Variants in ADCY1 observed in about 807,000 individuals in gnomAD.
ADCY1 encodes adenylate cyclase type 1.
ADCY1 carries 28 observed loss-of-function variants against 105.4 expected under a neutral mutation model. That is an observed-to-expected ratio of 0.27 (90% CI 0.20 to 0.36). The LOEUF (loss-of-function observed/expected upper bound fraction) is 0.36. Among genes scored for constraint, ADCY1 ranks in the 10% least tolerant of loss-of-function variants. The probability of loss-of-function intolerance (pLI) is 1.00; values close to 1 mark genes in which losing one functional copy is unlikely to be tolerated. For missense variants in ADCY1, 977 were observed against 1,434.2 expected (o/e 0.68, Z 5.15); for synonymous variants, 655 against 623.8 (o/e 1.05, Z -0.75).
chr7:45,676,423 C>CT (rs1173586612), intron 8 of ADCY1, among the ~76,000 whole-genome samples: 1 of 150,814 alleles, frequency 6.6e-6, no homozygotes. Context: ...TGAGTGGTTT[C>CT]TTTTTTTTTA....
At chr7:45,678,812 A>G (rs1157878252) in intron 10 of ADCY1, among the ~76,000 whole-genome samples, 1 of 151,888 alleles carries the variant, frequency 6.6e-6, no homozygotes, top group Non-Finnish European at 1.5e-5. Context: ...CCTTGAGCTC[A>G]GGAGTCTAAG....
chr7:45,698,495 G>A (rs1784929113), intron 14 of ADCY1, among the ~76,000 whole-genome samples: 1 of 152,132 alleles, frequency 6.6e-6, no homozygotes. Context: ...CAGGCAGCAG[G>A]GGCCTGCATG....
intron 3 of ADCY1, among the ~76,000 whole-genome samples, chr7:45,616,774 T>C (rs1329965010): frequency 6.6e-6 from 1 of 152,128 alleles, no homozygotes; most frequent in African/African-American, 2.4e-5. Flanking sequence ...ATATCCACCC[T>C]CACCACTTCT....
intron 3 of ADCY1, among the ~76,000 whole-genome samples, chr7:45,614,178 CAAA>C: frequency 6.6e-6 from 1 of 151,746 alleles, no homozygotes; most frequent in Middle Eastern, 3.4e-3. Flanking sequence ...GTTAAGAAAA[CAAA>C]AGTATTAAAA....
rs777438847 is a variant in ADCY1, at chr7:45,648,753, C to T, written c.1104C>T (p.Ala368=). ...SGLTQPKTDH[A]HCCVEMGLDM... ...TCACCCAGCCCAAGACTGACCATGC[C>T]CACTGCTGTGTGGAGATGGGACTCG... is the stretch of plus-strand genomic sequence containing the variant. The change falls in exon 5 of 20, where the codon GCC becomes GCT. Residue 368 remains alanine (A), a synonymous_variant. Transcript: ENST00000297323. 1 of 1,614,154 alleles carries T rather than the reference C, an allele frequency of 6.2e-7. No individual in the cohort carries two copies. The highest frequency in any genetic ancestry group is 1.1e-5 in the South Asian group (1 of 91,074).
intron 4 of ADCY1, among the ~76,000 whole-genome samples, chr7:45,628,181 A>G (rs901557506): frequency 7.9e-5 from 12 of 152,358 alleles, no homozygotes; most frequent in African/African-American, 2.9e-4. Flanking sequence ...TTTGCAGGCC[A>G]GAGGCTGAGA....
At chr7:45,600,230 C>T (rs1345745276) in intron 2 of ADCY1, among the ~76,000 whole-genome samples, 1 of 152,240 alleles carries the variant, frequency 6.6e-6, no homozygotes, top group African/African-American at 2.4e-5. Context: ...GCCTGGCTCT[C>T]AGATGATTAG....
intron 4 of ADCY1, among the ~76,000 whole-genome samples, chr7:45,623,165 C>T (rs1346643853): frequency 2.0e-5 from 3 of 152,218 alleles, no homozygotes; most frequent in Non-Finnish European, 4.4e-5. Context: ...GGGATTGAAA[C>T]TTGTCAGCTG....
chr7:45,704,985 C>A (rs1177328009), intron 17 of ADCY1, among the ~76,000 whole-genome samples: 2 of 150,942 alleles, frequency 1.3e-5, no homozygotes, highest in African/African-American at 4.9e-5. Flanking sequence ...CTCCCATCAG[C>A]CTTGCACTCT....
At chr7:45,698,338 A>C (rs753272893) in intron 14 of ADCY1, among the ~76,000 whole-genome samples, 2 of 152,202 alleles carry the variant, frequency 1.3e-5, no homozygotes, top group African/African-American at 4.8e-5. Context: ...GAATTGTTCA[A>C]ATTTAAAATT....
At chr7:45,627,413 G>C (rs951413833) in intron 4 of ADCY1, among the ~76,000 whole-genome samples, 2 of 152,218 alleles carry the variant, frequency 1.3e-5, no homozygotes, top group Non-Finnish European at 2.9e-5. Context: ...CACTGTGTGT[G>C]TGGCTGTTTT....
chr7:45,672,925 G>A (rs1458021868), intron 8 of ADCY1, among the ~76,000 whole-genome samples: 1 of 152,152 alleles, frequency 6.6e-6, no homozygotes, highest in African/African-American at 2.4e-5. Context: ...ACGATTAAGT[G>A]TGATGTTAGC....
rs190004982 is a variant in ADCY1, at chr7:45,588,417, C to T, written c.640-4342C>T. 4.6e-5 allele frequency among the ~76,000 whole-genome samples: 7 copies of T among 152,376 alleles called. No individual in the cohort carries two copies. The South Asian group carries it at 6.2e-4, about 14-fold the overall frequency. On this transcript the variant is annotated intron_variant, in intron 1 of 19. Coordinates refer to ENST00000297323, the MANE Select transcript of ADCY1 (RefSeq NM_021116.4). ...ATTAAAGACCATTACCTGGCCTCCT[C>T]ATGTCCTCGTTGCTCCTGGGGAGCC...
intron 11 of ADCY1, among the ~76,000 whole-genome samples, chr7:45,683,502 C>T (rs559146046): frequency 6.6e-6 from 1 of 152,238 alleles, no homozygotes; most frequent in East Asian, 1.9e-4. Flanking sequence ...TACTCTGTCA[C>T]CTAATCAGAG....
chr7:45,658,574 T>G (rs907509900), intron 6 of ADCY1, among the ~76,000 whole-genome samples: 1 of 152,190 alleles, frequency 6.6e-6, no homozygotes. Flanking sequence ...TGCCCCTCAG[T>G]GTGCCCGGGG....
At chr7:45,631,963 A>G (rs1794270682) in intron 4 of ADCY1, among the ~76,000 whole-genome samples, 1 of 152,210 alleles carries the variant, frequency 6.6e-6, no homozygotes, top group Non-Finnish European at 1.5e-5. Flanking sequence ...AGTTTATAAT[A>G]CATTTGGAGT....
At chr7:45,681,973 C>T (rs1156990251) in intron 11 of ADCY1, among the ~76,000 whole-genome samples, 1 of 152,304 alleles carries the variant, frequency 6.6e-6, no homozygotes, top group African/African-American at 2.4e-5. Context: ...GGACCTTCAC[C>T]CCTATCTGGT....
intron 12 of ADCY1, 146 bp downstream of exon 12, chr7:45,685,214 A>T (rs1373808386): frequency 1.7e-5 from 12 of 717,724 alleles, no homozygotes; most frequent in Non-Finnish European, 2.7e-5. Flanking sequence ...GGAGCCAGGG[A>T]ACAAGAGACT....
intron 1 of ADCY1, among the ~76,000 whole-genome samples, chr7:45,577,924 C>T (rs1792398016): frequency 6.6e-6 from 1 of 152,234 alleles, no homozygotes; most frequent in African/African-American, 2.4e-5. Context: ...CCTGCGCTTT[C>T]TGAGGCCTGG....
Sources: gnomAD v4.1 joint callset for allele counts (sites outside exome capture counted in the v4.1 genomes callset) on GRCh38, gnomAD v4.1.1 for gene constraint, MANE v1.5 for transcripts, NCBI Gene and HGNC (gene_info 2026-07-23, HGNC 2026-07-21) for gene names.